PRUNE2: variants seen among roughly 807,000 people sequenced by gnomAD.
The protein encoded by PRUNE2 is prune homolog 2 with BCH domain, also known as protein prune homolog 2.
In PRUNE2, 164 loss-of-function variants were observed where a neutral mutation model predicts 252.0. That is an observed-to-expected ratio of 0.65 (90% confidence interval 0.57 to 0.74). The LOEUF (loss-of-function observed/expected upper bound fraction) is 0.74, where lower values mean the gene tolerates loss of function less well. Among genes scored for constraint, PRUNE2 ranks in the 30% least tolerant of loss-of-function variants. The probability of loss-of-function intolerance (pLI) is 0.00; values close to 1 mark genes in which losing one functional copy is unlikely to be tolerated. For missense variants in PRUNE2, 3,495 were observed against 3,711.0 expected, an observed-to-expected ratio of 0.94 and a Z score of 1.51; for synonymous variants, 1,292 against 1,350.2, an observed-to-expected ratio of 0.96 and a Z score of 0.94.
intron 4 of PRUNE2, among the ~76,000 whole-genome samples, chr9:76,829,083 T>C (rs2058517899): frequency 6.6e-6 from 1 of 150,718 alleles, no homozygotes; most frequent in Non-Finnish European, 1.5e-5. Context: ...TCAGAAAAGA[T>C]CTTCATCTGC....
At chr9:76,863,423 T>G (rs1345704340) in intron 1 of PRUNE2, 2 of 152,196 alleles carry the variant, frequency 1.3e-5, no homozygotes, top group African/African-American at 2.4e-5. Flanking sequence ...AACATATTAT[T>G]TGTGAATTTT....
At chr9:76,810,302 A>G (rs564579713) in intron 6 of PRUNE2, among the ~76,000 whole-genome samples, 1 of 152,346 alleles carries the variant, frequency 6.6e-6, no homozygotes, top group African/African-American at 2.4e-5. Context: ...TGGAGGTTCA[A>G]TGAGAAAATA....
At chr9:76,651,442 G>T (rs56123322) in intron 11 of PRUNE2, among the ~76,000 whole-genome samples, 10,736 of 152,138 alleles carry the variant, frequency 0.071, 513 homozygotes, top group Non-Finnish European at 0.11. Flanking sequence ...TAAAAGTCAG[G>T]CCACCACTTA....
intron 15 of PRUNE2, among the ~76,000 whole-genome samples, chr9:76,630,223 T>G (rs1836885246): frequency 6.6e-6 from 1 of 151,570 alleles, no homozygotes; most frequent in Admixed American, 6.6e-5. Context: ...ATATGTAAAC[T>G]CATTTTTCTT....
chr9:76,852,196 C>T (rs927560761), intron 2 of PRUNE2, among the ~76,000 whole-genome samples: 18 of 152,354 alleles, frequency 1.2e-4, no homozygotes, highest in African/African-American at 4.3e-4. Context: ...CACAAAGCCA[C>T]TCCAACAAAG....
At chr9:76,669,123 T>A (rs1482095856) in intron 9 of PRUNE2, among the ~76,000 whole-genome samples, 1 of 151,872 alleles carries the variant, frequency 6.6e-6, no homozygotes, top group Non-Finnish European at 1.5e-5. Context: ...ATATATGGAT[T>A]TGGAGAGACA....
In PRUNE2 at chr9:76,703,240, T is replaced by C; in HGVS notation, c.8276+97A>G. 3 of 1,092,820 alleles carry C rather than the reference T, an allele frequency of 2.7e-6. No individual in the cohort carries two copies. The South Asian group carries it at 5.3e-5, about 19-fold the overall frequency. The allele number at this position is 1,092,820 out of a possible 1,614,324, so 67.7% of individuals were successfully genotyped here. ...TTCAATATAAGCAAAGCTGCTATCA[T>C]CCAGGTATTCCTCATATTCCATAAC... On this transcript the variant is annotated intron_variant, in intron 9 of 18. Transcript: ENST00000376718.
intron 6 of PRUNE2, among the ~76,000 whole-genome samples, chr9:76,805,438 T>C (rs1423952516): frequency 6.6e-6 from 1 of 152,040 alleles, no homozygotes; most frequent in African/African-American, 2.4e-5. Flanking sequence ...GTGGGCAACA[T>C]AGGGAGACCT....
intron 6 of PRUNE2, among the ~76,000 whole-genome samples, chr9:76,745,864 C>T (rs533533421): frequency 1.2e-4 from 19 of 152,292 alleles, no homozygotes; most frequent in South Asian, 8.3e-4. Flanking sequence ...TCCCTCTCTC[C>T]GACCACAAGG....
At chr9:76,682,362 C>CTTT (rs34870489) in intron 9 of PRUNE2, among the ~76,000 whole-genome samples, 15 of 136,080 alleles carry the variant, frequency 1.1e-4, no homozygotes, top group Middle Eastern at 3.9e-3. Context: ...TCACTATTAA[C>CTTT]TTTTTTTTTT....
intron 6 of PRUNE2, among the ~76,000 whole-genome samples, chr9:76,776,518 C>CTTTTTTTT (rs796197139): frequency 2.7e-4 from 33 of 122,830 alleles, no homozygotes; most frequent in Non-Finnish European, 3.3e-4. Flanking sequence ...TTTCTTTTTT[C>CTTTTTTTT]TTTTTTTTTT....
chr9:76,764,103 G>C (rs2052052685), intron 6 of PRUNE2, among the ~76,000 whole-genome samples: 1 of 152,174 alleles, frequency 6.6e-6, no homozygotes, highest in Non-Finnish European at 1.5e-5. Context: ...TTGATTCACA[G>C]AGCAAATACT....
intron 9 of PRUNE2, among the ~76,000 whole-genome samples, chr9:76,698,206 C>G (rs1398176717): frequency 6.6e-6 from 1 of 152,050 alleles, no homozygotes; most frequent in East Asian, 1.9e-4. Context: ...GCCACCATGC[C>G]TGGCTAATTT....
chr9:76,644,586 G>T, intron 12 of PRUNE2, 153 bp downstream of exon 12: 1 of 757,318 alleles, frequency 1.3e-6, no homozygotes. Flanking sequence ...TTGAATATGA[G>T]GAAATATACT....
At chr9:76,686,180 G>C (rs2044068919) in intron 9 of PRUNE2, among the ~76,000 whole-genome samples, 1 of 152,138 alleles carries the variant, frequency 6.6e-6, no homozygotes, top group African/African-American at 2.4e-5. Flanking sequence ...CAGATATTCA[G>C]GGAAGAAAAT....
intron 6 of PRUNE2, among the ~76,000 whole-genome samples, chr9:76,775,068 GA>G: frequency 6.6e-6 from 1 of 151,910 alleles, no homozygotes; most frequent in African/African-American, 2.4e-5. Context: ...TCCCAAAGAA[GA>G]AAAAAAATTT....
At chr9:76,715,621 T>A (rs2047084423) in intron 6 of PRUNE2, among the ~76,000 whole-genome samples, 1 of 152,240 alleles carries the variant, frequency 6.6e-6, no homozygotes, top group Non-Finnish European at 1.5e-5. Context: ...AAGTGTGTGT[T>A]CCAAAGTGTG....
At chr9:76,758,021 T>A (rs1046490766) in intron 6 of PRUNE2, among the ~76,000 whole-genome samples, 9 of 152,202 alleles carry the variant, frequency 5.9e-5, no homozygotes, top group Non-Finnish European at 1.0e-4. Flanking sequence ...AATTAAAAAA[T>A]TTTTTAAATA....
intron 4 of PRUNE2, among the ~76,000 whole-genome samples, chr9:76,829,751 GTT>G (rs1280140952): frequency 2.1e-5 from 3 of 141,896 alleles, no homozygotes; most frequent in Admixed American, 7.1e-5. Context: ...GTTTTGTTTT[GTT>G]TTTTTTTTTT....
Sources: allele counts gnomAD v4.1 joint callset (sites outside exome capture counted in the v4.1 genomes callset), GRCh38; gene constraint gnomAD v4.1.1; transcripts MANE v1.5; gene names NCBI Gene and HGNC (gene_info 2026-07-23, HGNC 2026-07-21).